The following DICER1 variants were observed in gnomAD, a reference collection of about 807,000 sequenced individuals.
DICER1 encodes the protein endoribonuclease Dicer.
In DICER1, 43 loss-of-function variants were observed where a neutral mutation model predicts 194.1. The observed-to-expected ratio is 0.22, with a 90% confidence interval of 0.17 to 0.29. DICER1 has a LOEUF of 0.29. Among genes scored for constraint, DICER1 ranks in the 10% least tolerant of loss-of-function variants. The probability of loss-of-function intolerance (pLI) is 1.00; values close to 1 mark genes in which losing one functional copy is unlikely to be tolerated. For missense variants in DICER1, 1,608 were observed against 2,317.0 expected, an observed-to-expected ratio of 0.69 and a Z score of 6.28; for synonymous variants, 832 against 820.5, an observed-to-expected ratio of 1.01 and a Z score of -0.24.
intron 1 of DICER1, among the ~76,000 whole-genome samples, chr14:95,134,799 G>T (rs569091867): frequency 6.6e-6 from 1 of 152,178 alleles, no homozygotes; most frequent in African/African-American, 2.4e-5. Flanking sequence ...GCACAATCAC[G>T]CTCATCATCT....
chr14:95,131,688 T>C (rs781184592), intron 3 of DICER1, 49 bp from the exon 4 acceptor site: 10 of 1,559,648 alleles, frequency 6.4e-6, no homozygotes, highest in Middle Eastern at 3.3e-4. Flanking sequence ...TCTTGCCTAG[T>C]TGGCTCTCTG....
Position 95,121,885 on chromosome 14 carries a change from CTG to C in DICER1, c.1376+2309_1376+2310del, listed in dbSNP as rs371523661. ...ATACCTACACTACATATAGAAGTGGCTGTGATTTATTTTTTTTAATTAGGAGA... is the reference window on the plus strand; with the variant it reads ...ATACCTACACTACATATAGAAGTGGCTGATTTATTTTTTTTAATTAGGAGA... On this transcript the variant is annotated intron_variant, in intron 8 of 26. Coordinates refer to ENST00000343455, the MANE Select transcript of DICER1 (RefSeq NM_177438.3). Among the ~76,000 whole-genome samples, 36 of 152,102 alleles carry C rather than the reference CTG, an allele frequency of 2.4e-4. 1 individual carries two copies. In the East Asian group the frequency reaches 5.2e-3, roughly 22 times the overall value.
At chr14:95,137,632 T>G (rs1454474282) in intron 1 of DICER1, among the ~76,000 whole-genome samples, 1 of 151,968 alleles carries the variant, frequency 6.6e-6, no homozygotes, top group Non-Finnish European at 1.5e-5. Context: ...AGGCCACAAA[T>G]ATTGAGATAA....
intron 1 of DICER1, among the ~76,000 whole-genome samples, chr14:95,139,928 C>T (rs911935827): frequency 3.8e-4 from 58 of 152,092 alleles, no homozygotes; most frequent in Non-Finnish European, 7.4e-5. Context: ...AAAACAAATC[C>T]AAGACTTAAA....
chr14:95,103,031 C>T (rs1197064624), intron 21 of DICER1, among the ~76,000 whole-genome samples: 4 of 152,190 alleles, frequency 2.6e-5, no homozygotes, highest in Admixed American at 6.5e-5. Context: ...TTCATATCCC[C>T]CTCAGGATCA....
At chr14:95,121,048 T>C (rs544378285) in intron 8 of DICER1, among the ~76,000 whole-genome samples, 2 of 152,216 alleles carry the variant, frequency 1.3e-5, no homozygotes, top group Admixed American at 6.5e-5. Context: ...CCCCCTGATA[T>C]AATGTGACTA....
chr14:95,135,421 C>G (rs888602358), intron 1 of DICER1, among the ~76,000 whole-genome samples: 14 of 152,102 alleles, frequency 9.2e-5, no homozygotes, highest in Admixed American at 3.3e-4. Flanking sequence ...CCAGGTATGT[C>G]CAGGAACCAG....
chr14:95,116,355 A>C, intron 10 of DICER1, 98 bp downstream of exon 10: 1 of 1,438,074 alleles, frequency 7.0e-7, no homozygotes, highest in Non-Finnish European at 9.5e-7. Context: ...CCTGTAGATA[A>C]AACTCATTAT....
intron 1 of DICER1, among the ~76,000 whole-genome samples, chr14:95,149,186 CTT>C (rs1024293200): frequency 1.3e-5 from 2 of 152,150 alleles, no homozygotes; most frequent in African/African-American, 4.8e-5. Flanking sequence ...ACAATTTTCT[CTT>C]TGTCAAGCTG....
Position 95,103,336 on chromosome 14 carries a change from C to T in DICER1, c.4050+10G>A. 1 of 1,613,632 alleles carries T rather than the reference C, an allele frequency of 6.2e-7. No individual in the cohort carries two copies. Among genetic ancestry groups the T allele is most frequent in the Non-Finnish European group, 8.5e-7 (1 of 1,179,572 alleles). On this transcript the variant is annotated intron_variant, in intron 21 of 26. Coordinates refer to ENST00000343455, the MANE Select transcript of DICER1 (RefSeq NM_177438.3). ...AATTAACTGCTCAAAATAAAAAAAT[C>T]ATCTCTTACCTTTTTGCTTCTCATA...
At position 95,131,366 on chromosome 14, in the gene DICER1, C is replaced by T. The variant is rs906419903; in HGVS notation, c.438+143G>A. On this transcript the variant is annotated intron_variant, in intron 4 of 26. Coordinates refer to ENST00000343455, the MANE Select transcript of DICER1 (RefSeq NM_177438.3). ...GTAAGACTTACAGTAAGATATAGTA[C>T]ATCAGGACTAGCTTCTAGGCTGATT... The T allele has an allele frequency of 6.4e-5, 49 of 763,514 alleles. No homozygotes were observed. The African/African-American group carries it at 7.5e-4, about 12-fold the overall frequency. The allele number at this position is 763,514 out of a possible 1,614,324, so 47.3% of individuals were successfully genotyped here.
intron 14 of DICER1, among the ~76,000 whole-genome samples, chr14:95,109,290 T>A (rs1891741104): frequency 6.6e-6 from 1 of 152,230 alleles, no homozygotes; most frequent in Non-Finnish European, 1.5e-5. Flanking sequence ...AAGAACTGCA[T>A]CTGTAGTTAA....
chr14:95,150,190 CTG>C (rs1431472843), intron 1 of DICER1, among the ~76,000 whole-genome samples: 27 of 152,308 alleles, frequency 1.8e-4, no homozygotes, highest in African/African-American at 6.5e-4. Flanking sequence ...ATTTTACAAA[CTG>C]TATTTTGTAG....
chr14:95,091,513 A>G, intron 24 of DICER1, 148 bp from the exon 25 acceptor site: 1 of 729,902 alleles, frequency 1.4e-6, no homozygotes, highest in Non-Finnish European at 2.3e-6. Context: ...CTATATTGTA[A>G]TAGTAAAACA....
At position 95,105,661 on chromosome 14, in the gene DICER1, T is replaced by A. The variant is rs746972073; in HGVS notation, c.3093+17A>T. ...TCAAACAAATACTAAGTTATGCTAG[T>A]ACAATTAACTCATTACCTGTTTATT... On this transcript the variant is annotated intron_variant, in intron 19 of 26. Transcript: ENST00000343455. This position sits in a 1 kb window ranked among gnomAD's most constrained non-coding sequence, Gnocchi z 4.9. 1 of 1,506,750 alleles carries A rather than the reference T, an allele frequency of 6.6e-7. No homozygotes were observed. The highest frequency in any genetic ancestry group is 1.1e-5 in the South Asian group (1 of 88,904). The allele number at this position is 1,506,750 out of a possible 1,614,324, so 93.3% of individuals were successfully genotyped here.
At position 95,130,211 on chromosome 14, in the gene DICER1, C is replaced by T; in HGVS notation, c.439-19G>A. On this transcript the variant is annotated intron_variant, in intron 4 of 26. Transcript: ENST00000343455. ...TGAGAACCTAAAATAAAATCAACATCAGTAAACAAACATAGCATTCACTGC... is the reference window on the plus strand; with the variant it reads ...TGAGAACCTAAAATAAAATCAACATTAGTAAACAAACATAGCATTCACTGC... The T allele has an allele frequency of 6.2e-7, 1 of 1,609,230 alleles. No individual in the cohort carries two copies. The highest frequency in any genetic ancestry group is 1.1e-5 in the South Asian group (1 of 90,794).
chr14:95,105,996 G>C lies in DICER1; in HGVS notation c.2987+45C>G. The stretch of plus-strand genomic sequence containing the variant: ...CTGCATGTCTAGTGATGTCTGGTAA[G>C]AATCCCTCAAGTGCAATCCAAGTGT... On this transcript the variant is annotated intron_variant, in intron 18 of 26. Coordinates refer to ENST00000343455, the MANE Select transcript of DICER1 (RefSeq NM_177438.3). This position sits in a 1 kb window ranked among gnomAD's most constrained non-coding sequence, Gnocchi z 4.9. 1 of 1,596,404 alleles carries C rather than the reference G, an allele frequency of 6.3e-7. No homozygotes were observed. Among genetic ancestry groups the C allele is most frequent in the Non-Finnish European group, 8.6e-7 (1 of 1,164,042 alleles).
At chr14:95,135,520 T>C (rs1019953754) in intron 1 of DICER1, among the ~76,000 whole-genome samples, 2 of 152,224 alleles carry the variant, frequency 1.3e-5, no homozygotes, top group South Asian at 4.1e-4. Flanking sequence ...AAAAATAGTC[T>C]AAAAATAAAT....
At chr14:95,141,489 C>T (rs1894826502) in intron 1 of DICER1, among the ~76,000 whole-genome samples, 1 of 152,166 alleles carries the variant, frequency 6.6e-6, no homozygotes. Flanking sequence ...AGGTCTGAGC[C>T]TTCTGCAATG....
Sources: gnomAD v4.1 joint callset for allele counts (sites outside exome capture counted in the v4.1 genomes callset) on GRCh38, gnomAD v4.1.1 for gene constraint, Gnocchi (gnomAD v3.1) non-coding constraint, MANE v1.5 for transcripts, NCBI Gene and HGNC (gene_info 2026-07-23, HGNC 2026-07-21) for gene names.